ZNF608: variants seen among roughly 807,000 people sequenced by gnomAD.
The protein encoded by ZNF608 is renal carcinoma antigen NY-REN-36.
A neutral mutation model predicts 109.0 loss-of-function variants in ZNF608; 12 were observed. The ratio of observed to expected loss-of-function variants is 0.11; its 90% CI spans 0.07 to 0.18. The LOEUF (loss-of-function observed/expected upper bound fraction) is 0.18, where lower values mean the gene tolerates loss of function less well. Among genes scored for constraint, ZNF608 ranks in the 10% least tolerant of loss-of-function variants. The pLI, the probability that ZNF608 is intolerant of heterozygous loss-of-function variation, is 1.00. For missense variants in ZNF608, 1,707 were observed against 1,879.3 expected (o/e 0.91, Z 1.70); for synonymous variants, 732 against 717.4 (o/e 1.02, Z -0.33).
rs184712312 is a variant in ZNF608, at chr5:124,735,807, T to C, written c.906+8277A>G. ...GCTCAACTGCTCTGTTTTAACATCA[T>C]GTTGCTCCCTTTTGGGGGCAGAAAC... On this transcript the variant is annotated intron_variant, in intron 2 of 9. Coordinates refer to ENST00000513986, the MANE Select transcript of ZNF608 (RefSeq NM_020747.3). Among the ~76,000 whole-genome samples the C allele has an allele frequency of 3.5e-3, 536 of 152,354 alleles. 2 individuals are homozygous for C. The highest frequency in any genetic ancestry group is 4.8e-3 in the Non-Finnish European group (327 of 68,026).
Position 124,743,074 on chromosome 5 carries a change from T to C in ZNF608, c.906+1010A>G, listed in dbSNP as rs550821251. 1.1e-3 allele frequency among the ~76,000 whole-genome samples: 165 copies of C among 152,276 alleles called. 1 individual carries two copies. The highest frequency in any genetic ancestry group is 3.9e-3 in the African/African-American group (161 of 41,560). On this transcript the variant is annotated intron_variant, in intron 2 of 9. Transcript: ENST00000513986. The stretch of plus-strand genomic sequence containing the variant: ...CCTTCTGTTCCCAAACATTAGTCAA[T>C]GTGGTCTATGACTAAGCAGCAAAAC...
At position 124,644,509 on chromosome 5, in the gene ZNF608, T is replaced by C. The variant is rs1353642658; in HGVS notation, c.3858A>G (p.Val1286=). 4 of 1,614,050 alleles carry C rather than the reference T, an allele frequency of 2.5e-6. No homozygotes were observed. The highest frequency in any genetic ancestry group is 1.3e-5 in the African/African-American group (1 of 74,928). ...NKESGVPSLP[V]SLTSIKEEPK... ...GCTCCTCTTTAATGCTTGTTAACGATACAGGAAGGCTGGGCACACCACTCT... is the reference window on the plus strand; with the variant it reads ...GCTCCTCTTTAATGCTTGTTAACGACACAGGAAGGCTGGGCACACCACTCT... Residue 1286 remains valine (V), a synonymous_variant, in exon 6 of 10, where the codon GTA becomes GTG. Coordinates refer to ENST00000513986, the MANE Select transcript of ZNF608 (RefSeq NM_020747.3).
chr5:124,693,993 T>TTTTTTTTTTTTTTTA (rs57726712), intron 3 of ZNF608, among the ~76,000 whole-genome samples: 2 of 139,434 alleles, frequency 1.4e-5, no homozygotes, highest in African/African-American at 2.7e-5. Context: ...TTTTTTTTTT[T>TTTTTTTTTTTTTTTA]GAGAGAGAGT....
At position 124,649,471 on chromosome 5, in the gene ZNF608, G is replaced by A. The variant is rs555667066; in HGVS notation, c.1250+139C>T. 1.3e-5 allele frequency: 8 copies of A among 597,140 alleles called. No homozygotes were observed. In the South Asian group the frequency reaches 2.2e-4, roughly 16 times the overall value. 37.0% of individuals were successfully genotyped at this position (597,140 alleles called of 1,614,324 possible). A position where few individuals can be genotyped will look rare whatever the true frequency, so the allele number is the denominator to read the frequency against. ...AGAAATTTAGCATCTGCATTTTACT[G>A]CGTTCAATCCTAAATTGCTCATTTC... On this transcript the variant is annotated intron_variant, in intron 4 of 9. Transcript: ENST00000513986.
In ZNF608 at chr5:124,644,350, A is replaced by T; in HGVS notation, c.4017T>A (p.His1339Gln). Reference protein sequence around the residue: ...RVAVSSPMSQHQSYIQYLHAY... With the variant: ...RVAVSSPMSQQQSYIQYLHAY... ...CATGCAAGTACTGTATGTATGACTG[A>T]TGCTGACTCATGGGTGAGGAGACAG... The change falls in exon 6 of 10, where the codon CAT (histidine) becomes CAA (glutamine). Residue 1339 changes from histidine (H) to glutamine (Q), a missense_variant. Physicochemically the swap from His to Gln is conservative, Grantham distance 24 (BLOSUM62 0). Around this residue, in one of 7 missense-constraint regions of ZNF608, gnomAD observed 1,073 missense variants for 1,133.5 expected, o/e 0.95. Transcript: ENST00000513986. The T allele has an allele frequency of 6.2e-7, 1 of 1,614,182 alleles. No homozygotes were observed.
chr5:124,639,243 T>G, intron 8 of ZNF608, 29 bp from the exon 9 acceptor site: 2 of 1,606,160 alleles, frequency 1.2e-6, no homozygotes, highest in Non-Finnish European at 1.7e-6. Flanking sequence ...AGAGTGTCTG[T>G]GATCTTTAGA....
intron 2 of ZNF608, among the ~76,000 whole-genome samples, chr5:124,730,520 A>G (rs1021729117): frequency 6.6e-6 from 1 of 152,252 alleles, no homozygotes; most frequent in Non-Finnish European, 1.5e-5. Flanking sequence ...GGTTTTTACA[A>G]GGAAATAATG....
chr5:124,671,520 C>G (rs955700594), intron 3 of ZNF608, among the ~76,000 whole-genome samples: 1 of 152,100 alleles, frequency 6.6e-6, no homozygotes, highest in South Asian at 2.1e-4. Flanking sequence ...TCTACCCACA[C>G]AATACCTCAA....
Position 124,646,730 on chromosome 5 carries a change from G to C in ZNF608, c.3654C>G (p.Val1218=). 6.2e-7 allele frequency: 1 copy of C among 1,614,188 alleles called. No individual in the cohort carries two copies. Among genetic ancestry groups the C allele is most frequent in the Non-Finnish European group, 8.5e-7 (1 of 1,180,032 alleles). ...LIKEAVEMKS[V]MDSMKQTGVD... is the part of the protein sequence containing the mutation. ...CACCTGTCTGCTTCATAGAGTCCAT[G>C]ACAGACTTCATTTCTACAGCCTCCT... is the stretch of plus-strand genomic sequence containing the variant. The change falls in exon 5 of 10, where the codon GTC becomes GTG. Residue 1218 remains valine (V), a synonymous_variant. Transcript: ENST00000513986.
intron 2 of ZNF608, among the ~76,000 whole-genome samples, chr5:124,707,165 T>A (rs1228556596): frequency 3.3e-5 from 5 of 152,286 alleles, no homozygotes; most frequent in Admixed American, 3.3e-4. Context: ...TGGTCAGTGA[T>A]GCTTTCAGTA....
intron 3 of ZNF608, among the ~76,000 whole-genome samples, chr5:124,683,014 G>GTCTCTC (rs70991636): frequency 7.4e-5 from 11 of 149,042 alleles, no homozygotes; most frequent in Admixed American, 6.0e-4. Context: ...TGGGTGCTCT[G>GTCTCTC]TCTCTCTCTC....
intron 8 of ZNF608, among the ~76,000 whole-genome samples, chr5:124,639,913 C>A (rs1449014291): frequency 6.6e-6 from 1 of 152,106 alleles, no homozygotes; most frequent in Non-Finnish European, 1.5e-5. Context: ...TAAGACAGTA[C>A]AATAACAATA....
rs776232622 is a variant in ZNF608, at chr5:124,744,786, C to T, written c.204G>A (p.Pro68=). ...CGGTAGCACCAGCCCCACTGGAGGC[C>T]GGACCTCCACAATCCTTGGAGTTGC... The part of the protein sequence containing the change: ...SSSNSKDCGG[P]ASSGAGATAA... Residue 68 remains proline (P), a synonymous_variant, in exon 2 of 10, where the codon CCG becomes CCA. Transcript: ENST00000513986. This position sits in a 1 kb window ranked among gnomAD's most constrained non-coding sequence, Gnocchi z 4.5. 2 of 1,614,184 alleles carry T rather than the reference C, an allele frequency of 1.2e-6. No individual in the cohort carries two copies. Among genetic ancestry groups the T allele is most frequent in the South Asian group, 1.1e-5 (1 of 91,090 alleles).
intron 3 of ZNF608, among the ~76,000 whole-genome samples, chr5:124,657,221 G>A (rs1433522353): frequency 6.6e-6 from 1 of 152,160 alleles, no homozygotes; most frequent in East Asian, 1.9e-4. Context: ...GGCACCACCG[G>A]TAACACTAAG....
chr5:124,742,418 T>G (rs1168002338), intron 2 of ZNF608, among the ~76,000 whole-genome samples: 2 of 152,316 alleles, frequency 1.3e-5, no homozygotes, highest in East Asian at 3.9e-4. Flanking sequence ...ACCACAGCCA[T>G]TGTGAGCACT....
At position 124,637,680 on chromosome 5, in the gene ZNF608, T is replaced by C. The variant is rs968197648; in HGVS notation, c.*220A>G. On this transcript the variant is annotated 3_prime_UTR_variant, in exon 10 of 10. Transcript: ENST00000513986. ...ATATATTTATATTTATATATATATA[T>C]ATGTATATATACAGATATGTATACG... The C allele has an allele frequency of 5.3e-6, 1 of 189,684 alleles. No individual in the cohort carries two copies. Among genetic ancestry groups the C allele is most frequent in the African/African-American group, 2.4e-5 (1 of 41,818 alleles). The allele number at this position is 189,684 out of a possible 1,614,324, so 11.8% of individuals were successfully genotyped here.
rs573855769 is a variant in ZNF608 at position 124,643,805 on chromosome 5, A to G, written c.4124-122T>C. On this transcript the variant is annotated intron_variant, in intron 6 of 9. Transcript: ENST00000513986. ...CTTAAAATAGGGGGTTACATTAAGA[A>G]TGGGCTACATCATCATTAAACTGTG... is the stretch of plus-strand genomic sequence containing the variant. The G allele has an allele frequency of 3.4e-5, 31 of 921,962 alleles. No individual in the cohort carries two copies. In the African/African-American group the frequency reaches 5.0e-4, roughly 15 times the overall value. The allele number at this position is 921,962 out of a possible 1,614,324, so 57.1% of individuals were successfully genotyped here.
intron 3 of ZNF608, among the ~76,000 whole-genome samples, chr5:124,660,429 C>T (rs1008438692): frequency 2.0e-5 from 3 of 152,156 alleles, no homozygotes; most frequent in African/African-American, 7.2e-5. Flanking sequence ...GGAAGTAGTT[C>T]CCACATTCTG....
chr5:124,646,290 G>A (rs776216234), intron 5 of ZNF608, among the ~76,000 whole-genome samples: 2 of 152,120 alleles, frequency 1.3e-5, no homozygotes, highest in Non-Finnish European at 2.9e-5. Context: ...GAACGGAGGC[G>A]GAGGTTGCAG....
Sources: gnomAD v4.1 joint callset for allele counts (sites outside exome capture counted in the v4.1 genomes callset) on GRCh38, gnomAD v4.1.1 for gene constraint, gnomAD v4.1.1 regional missense constraint, Gnocchi (gnomAD v3.1) non-coding constraint, MANE v1.5 for transcripts, NCBI Gene and HGNC (gene_info 2026-07-23, HGNC 2026-07-21) for gene names.